MEI1: variants seen among roughly 807,000 people sequenced by gnomAD.
The protein encoded by MEI1 is meiotic double-stranded break formation protein 1, also known as meiosis inhibitor protein 1.
In MEI1, 103 loss-of-function variants were observed where a neutral mutation model predicts 146.2. That is an observed-to-expected ratio of 0.70 (90% CI 0.60 to 0.83). The LOEUF (loss-of-function observed/expected upper bound fraction) is 0.83. Ranked by LOEUF, MEI1 falls within the 40% of genes least tolerant of loss-of-function variation. The pLI is 0.00. For missense variants in MEI1, 1,529 were observed against 1,533.0 expected (o/e 1.00, Z 0.04); for synonymous variants, 652 against 628.2 (o/e 1.04, Z -0.57).
chr22:41,751,376 T>C (rs1425172504), intron 15 of MEI1, among the ~76,000 whole-genome samples: 1 of 152,160 alleles, frequency 6.6e-6, no homozygotes, highest in African/African-American at 2.4e-5. Flanking sequence ...ATTCTGCTTT[T>C]ACAGTGGCCC....
At position 41,778,913 on chromosome 22, in the gene MEI1, C is replaced by T. The variant is rs1244371778; in HGVS notation, c.2815+101C>T. The T allele has an allele frequency of 1.1e-5, 9 of 854,228 alleles. 1 individual carries two copies. Among genetic ancestry groups the T allele is most frequent in the African/African-American group, 5.1e-5 (3 of 58,932 alleles). The allele number at this position is 854,228 out of a possible 1,614,324, so 52.9% of individuals were successfully genotyped here. On this transcript the variant is annotated intron_variant, in intron 22 of 30. Transcript: ENST00000401548. ...GTTCTTCTTTCTTCTACTCTTTCAT[C>T]CCTTTGGAAGAAGCTAGTAGGTCAG...
chr22:41,794,113 A>G (rs1240811114), intron 27 of MEI1, among the ~76,000 whole-genome samples: 1 of 152,236 alleles, frequency 6.6e-6, no homozygotes, highest in Non-Finnish European at 1.5e-5. Context: ...GATGTGCCCA[A>G]CCAAGGTCAC....
rs2073474073 is a variant in MEI1 at position 41,748,169 on chromosome 22, CCT to C, written c.1746_1747del (p.Phe583CysfsTer74). ...MEVFLSILHN[L>X]FVIVPHMKEK... ...AAGTTTTCCTCTCAATTCTACATAACCTCTTTGTCATCGTTCCCCACATGAAG... is the reference window on the plus strand; with the variant it reads ...AAGTTTTCCTCTCAATTCTACATAACCTTTGTCATCGTTCCCCACATGAAG... On this transcript the variant is annotated frameshift_variant, in exon 15 of 31. Coordinates refer to ENST00000401548, the MANE Select transcript of MEI1 (RefSeq NM_152513.4). LOFTEE classifies it high-confidence loss of function. The C allele has an allele frequency of 2.5e-6, 4 of 1,613,976 alleles. No homozygotes were observed. The highest frequency in any genetic ancestry group is 1.7e-6 in the Non-Finnish European group (2 of 1,179,876).
At chr22:41,747,158 G>T (rs965992249) in intron 14 of MEI1, among the ~76,000 whole-genome samples, 1 of 151,852 alleles carries the variant, frequency 6.6e-6, no homozygotes, top group Non-Finnish European at 1.5e-5. Context: ...AGGGAACTGA[G>T]ACTCAGGGAA....
intron 3 of MEI1, among the ~76,000 whole-genome samples, chr22:41,712,809 G>GTTT (rs1394700744): frequency 2.4e-5 from 3 of 127,364 alleles, no homozygotes; most frequent in South Asian, 2.6e-4. Flanking sequence ...TTGTTTGTTT[G>GTTT]TTTTTTTTTT....
intron 27 of MEI1, 109 bp downstream of exon 27, chr22:41,794,019 TTTTG>T (rs1482022665): frequency 2.9e-5 from 31 of 1,066,680 alleles, no homozygotes; most frequent in Middle Eastern, 2.0e-4. Flanking sequence ...CTCATACTTG[TTTTG>T]TTTAATTCTT....
chr22:41,730,893 G>A (rs1262494868), intron 9 of MEI1, among the ~76,000 whole-genome samples: 2 of 152,156 alleles, frequency 1.3e-5, no homozygotes, highest in Non-Finnish European at 2.9e-5. Flanking sequence ...GCCACTAAAT[G>A]AATTCCTGTT....
intron 14 of MEI1, among the ~76,000 whole-genome samples, chr22:41,746,753 T>TGGCAGCAGG (rs891915543): frequency 4.6e-5 from 7 of 152,118 alleles, no homozygotes; most frequent in Non-Finnish European, 7.4e-5. Flanking sequence ...GAACAGTAGG[T>TGGCAGCAGG]GGCAGCAGGG....
chr22:41,789,962 T>C (rs2076118892), intron 26 of MEI1, among the ~76,000 whole-genome samples: 1 of 152,152 alleles, frequency 6.6e-6, no homozygotes, highest in Non-Finnish European at 1.5e-5. Flanking sequence ...TCTCGAGAAA[T>C]TTCCTGGCCT....
Position 41,705,494 on chromosome 22 carries a change from C to A in MEI1, c.299-10C>A, listed in dbSNP as rs368304910. On this transcript the variant is annotated splice_polypyrimidine_tract_variant and intron_variant, in intron 2 of 30. Transcript: ENST00000401548. Reference sequence around the variant, plus strand: ...CTAACCACCCCTTTCTTACCTCCCTCTGCTCCAAGGACTATTATGCAGCAT... The same window carrying A: ...CTAACCACCCCTTTCTTACCTCCCTATGCTCCAAGGACTATTATGCAGCAT... The A allele has an allele frequency of 3.5e-5, 57 of 1,613,350 alleles. No homozygotes were observed. Among genetic ancestry groups the A allele is most frequent in the Non-Finnish European group, 4.7e-5 (55 of 1,179,518 alleles).
intron 18 of MEI1, among the ~76,000 whole-genome samples, chr22:41,760,214 G>C (rs530107498): frequency 7.9e-5 from 12 of 151,388 alleles, no homozygotes; most frequent in African/African-American, 2.4e-4. Flanking sequence ...GGAGGCTGAG[G>C]CAGGAGAATG....
intron 20 of MEI1, among the ~76,000 whole-genome samples, chr22:41,775,776 A>T (rs2075408177): frequency 6.6e-6 from 1 of 151,818 alleles, no homozygotes; most frequent in Non-Finnish European, 1.5e-5. Flanking sequence ...TTGTATTTTT[A>T]GTAAAGACGG....
rs574113287 is a variant in MEI1 at position 41,763,180 on chromosome 22, C to G, written c.2127C>G (p.Val709=). ...YLAYIHEDRF[V]SEAELFEAVQ... ...GGCTTTTCTTGGTTGACAGGTTTGT[C>G]TCAGAGGCAGAGTTATTTGAGGCTG... Residue 709 remains valine, a synonymous_variant, in exon 19 of 31, where the codon GTC becomes GTG. Coordinates refer to ENST00000401548, the MANE Select transcript of MEI1 (RefSeq NM_152513.4). 6.2e-7 allele frequency: 1 copy of G among 1,613,840 alleles called. No individual in the cohort carries two copies. The highest frequency in any genetic ancestry group is 1.1e-5 in the South Asian group (1 of 91,052).
At chr22:41,775,481 C>T (rs1387459234) in intron 20 of MEI1, among the ~76,000 whole-genome samples, 1 of 152,124 alleles carries the variant, frequency 6.6e-6, no homozygotes, top group Non-Finnish European at 1.5e-5. Context: ...AGTTAGGAGA[C>T]TTGCATTCAA....
chr22:41,737,461 G>A (rs1006527102), intron 11 of MEI1, among the ~76,000 whole-genome samples: 5 of 151,940 alleles, frequency 3.3e-5, no homozygotes, highest in African/African-American at 1.2e-4. Context: ...GGATGATCTC[G>A]ATCTCCTGAC....
intron 24 of MEI1, among the ~76,000 whole-genome samples, chr22:41,783,670 G>A (rs2075844955): frequency 6.6e-6 from 1 of 152,110 alleles, no homozygotes; most frequent in African/African-American, 2.4e-5. Flanking sequence ...ACAGCTGACA[G>A]GTAGCAAAGC....
intron 20 of MEI1, among the ~76,000 whole-genome samples, chr22:41,775,594 CTT>C (rs532068296): frequency 2.0e-4 from 27 of 134,620 alleles, no homozygotes; most frequent in Admixed American, 2.3e-4. Context: ...TGGACCTATT[CTT>C]TTTTTTTTTT....
chr22:41,741,839 G>T (rs2072894026), intron 11 of MEI1, among the ~76,000 whole-genome samples: 1 of 151,810 alleles, frequency 6.6e-6, no homozygotes, highest in African/African-American at 2.4e-5. Context: ...AGCTACTTGG[G>T]AGGCTGAGGC....
intron 23 of MEI1, 27 bp from the exon 24 acceptor site, chr22:41,781,657 TG>T: frequency 6.2e-7 from 1 of 1,608,364 alleles, no homozygotes; most frequent in Non-Finnish European, 8.5e-7. Context: ...GTAACTCCTG[TG>T]GGCCCTGCCT....
Sources: gnomAD v4.1 joint callset for allele counts (sites outside exome capture counted in the v4.1 genomes callset) on GRCh38, gnomAD v4.1.1 for gene constraint, MANE v1.5 for transcripts, NCBI Gene and HGNC (gene_info 2026-07-23, HGNC 2026-07-21) for gene names.